Variants in RANBP2 observed in about 807,000 individuals in gnomAD.
RANBP2 encodes the protein RAN binding protein 2.
RANBP2 carries 57 observed loss-of-function variants against 303.6 expected under a neutral mutation model. That is an observed-to-expected ratio of 0.19 (90% CI 0.15 to 0.23). The LOEUF (loss-of-function observed/expected upper bound fraction) is 0.23, where lower values mean the gene tolerates loss of function less well. Among genes scored for constraint, RANBP2 ranks in the 10% least tolerant of loss-of-function variants. RANBP2 has a pLI of 1.00. For missense variants in RANBP2, 3,138 were observed against 3,780.8 expected (o/e 0.83, Z 4.46); for synonymous variants, 1,167 against 1,301.5 (o/e 0.90, Z 2.23).
At chr2:109,572,354 C>T in the RANBP2 span, among the ~76,000 whole-genome samples, 4 of 152,116 alleles carry the variant, frequency 2.6e-5, no homozygotes, top group Non-Finnish European at 5.9e-5. Context: ...AGGATGGTCT[C>T]GATCTCCTGA....
the RANBP2 span, among the ~76,000 whole-genome samples, chr2:109,303,252 G>A: frequency 6.6e-6 from 1 of 152,178 alleles, no homozygotes; most frequent in African/African-American, 2.4e-5. Context: ...AGGATCTGAG[G>A]ACCACCTCCC....
At chr2:109,244,261 G>A in the RANBP2 span, among the ~76,000 whole-genome samples, 1 of 152,154 alleles carries the variant, frequency 6.6e-6, no homozygotes, top group Non-Finnish European at 1.5e-5. Flanking sequence ...AAGCACACAG[G>A]AGGTACAACA....
chr2:109,108,060 C>T, the RANBP2 span, among the ~76,000 whole-genome samples: 1 of 152,246 alleles, frequency 6.6e-6, no homozygotes, highest in Admixed American at 6.5e-5. Flanking sequence ...CGCCTGCCAC[C>T]ACGCCCGGCC....
the RANBP2 span, among the ~76,000 whole-genome samples, chr2:109,118,485 A>G: frequency 3.4e-5 from 5 of 147,484 alleles, no homozygotes; most frequent in East Asian, 1.2e-3. Flanking sequence ...CTGTTTTGCC[A>G]GTCCTGCTGA....
chr2:109,399,707 C>T, the RANBP2 span, among the ~76,000 whole-genome samples: 1,596 of 152,334 alleles, frequency 0.01, 43 homozygotes, highest in African/African-American at 0.037. Flanking sequence ...TCTGACAAGA[C>T]CCCTCACAGT....
chr2:109,302,754 G>C, the RANBP2 span, among the ~76,000 whole-genome samples: 1 of 151,552 alleles, frequency 6.6e-6, no homozygotes. Context: ...TTTCAGACAC[G>C]ACATTTCACC....
At chr2:109,243,624 G>A in the RANBP2 span, among the ~76,000 whole-genome samples, 3 of 152,142 alleles carry the variant, frequency 2.0e-5, no homozygotes, top group South Asian at 6.2e-4. Context: ...TAAAGAGATG[G>A]TGTCTAAACT....
At chr2:109,652,347 T>C in the RANBP2 span, among the ~76,000 whole-genome samples, 1 of 151,872 alleles carries the variant, frequency 6.6e-6, no homozygotes, top group African/African-American at 2.4e-5. Context: ...CTCAGCCTCC[T>C]GAGAAGCTGG....
At chr2:109,101,781 G>A in the RANBP2 span, among the ~76,000 whole-genome samples, 1 of 152,200 alleles carries the variant, frequency 6.6e-6, no homozygotes, top group East Asian at 1.9e-4. Flanking sequence ...GAGCCGAGCA[G>A]GGGGTGATGC....
chr2:109,314,903 G>A, the RANBP2 span, among the ~76,000 whole-genome samples: 1 of 152,162 alleles, frequency 6.6e-6, no homozygotes, highest in African/African-American at 2.4e-5. Flanking sequence ...CTAAGCCCTC[G>A]CTGGTGACCA....
the RANBP2 span, among the ~76,000 whole-genome samples, chr2:109,141,774 G>A: frequency 6.6e-6 from 1 of 152,190 alleles, no homozygotes; most frequent in East Asian, 1.9e-4. Context: ...TCAACAGGAG[G>A]GGGTACTGGT....
At chr2:109,098,853 T>C in the RANBP2 span, among the ~76,000 whole-genome samples, 1 of 152,116 alleles carries the variant, frequency 6.6e-6, no homozygotes, top group Admixed American at 6.5e-5. Flanking sequence ...TAATACCCGG[T>C]TATTTGGCTG....
At chr2:109,078,098 A>ATATATATATATATATATATATATATAGCG in the RANBP2 span, among the ~76,000 whole-genome samples, 1 of 60,068 alleles carries the variant, frequency 1.7e-5, no homozygotes, top group African/African-American at 8.6e-5. Context: ...ATATATATAT[A>ATATATATATATATATATATATATATAGCG]TATATATATA....
the RANBP2 span, among the ~76,000 whole-genome samples, chr2:109,171,921 G>A: frequency 6.6e-6 from 1 of 152,244 alleles, no homozygotes; most frequent in East Asian, 1.9e-4. Context: ...TGCATGTGCC[G>A]AGCCCAGCCT....
chr2:108,786,632 G>A, downstream of RANBP2: 1 of 622,668 alleles, frequency 1.6e-6, no homozygotes. Context: ...TGTAGTGCTA[G>A]CACGAGAAAC....
chr2:109,146,922 C>T, the RANBP2 span, among the ~76,000 whole-genome samples: 1 of 128,278 alleles, frequency 7.8e-6, no homozygotes, highest in Non-Finnish European at 1.6e-5. Context: ...CCTATGAAGG[C>T]CTCAGAGTCC....
the RANBP2 span, among the ~76,000 whole-genome samples, chr2:109,367,718 T>C: frequency 6.6e-6 from 1 of 152,252 alleles, no homozygotes; most frequent in African/African-American, 2.4e-5. Context: ...TGCTTTGCAT[T>C]TGTCTCTAGT....
chr2:108,737,272 T>C (rs1695664224), intron 6 of RANBP2, among the ~76,000 whole-genome samples: 1 of 152,070 alleles, frequency 6.6e-6, no homozygotes, highest in Non-Finnish European at 1.5e-5. Flanking sequence ...AAGTTCCTTT[T>C]ACATTTTTGT....
chr2:109,479,826 A>G, the RANBP2 span, among the ~76,000 whole-genome samples: 1 of 152,104 alleles, frequency 6.6e-6, no homozygotes, highest in East Asian at 1.9e-4. Flanking sequence ...TCCACAGACC[A>G]CTGATGAAGA....
Sources: gnomAD v4.1 joint callset for allele counts (sites outside exome capture counted in the v4.1 genomes callset) on GRCh38, gnomAD v4.1.1 for gene constraint, MANE v1.5 for transcripts, NCBI Gene and HGNC (gene_info 2026-07-23, HGNC 2026-07-21) for gene names.